The following REV3L variants were observed in gnomAD, a reference collection of about 807,000 sequenced individuals.
REV3L encodes the protein DNA polymerase zeta catalytic subunit.
A neutral mutation model predicts 299.4 loss-of-function variants in REV3L; 69 were observed. The ratio of observed to expected loss-of-function variants is 0.23; its 90% CI spans 0.19 to 0.28. The LOEUF is 0.28. REV3L is among the 10% of genes least tolerant of loss of function. The pLI, the probability that REV3L is intolerant of heterozygous loss-of-function variation, is 1.00. For missense variants in REV3L, 3,128 were observed against 3,693.8 expected (o/e 0.85, Z 3.97); for synonymous variants, 1,238 against 1,271.4 (o/e 0.97, Z 0.56).
rs1229882451 is a variant in REV3L, at chr6:111,322,138, GGGGCCGAGT to G, written c.8351+422_8351+430del. ...TTCTCTTAGAAGGTCAACATATTCTGGGGCCGAGTGGTAAGTTAACCATTCACAGTTCTG... is the reference window on the plus strand; with the variant it reads ...TTCTCTTAGAAGGTCAACATATTCTGGGTAAGTTAACCATTCACAGTTCTG... On this transcript the variant is annotated intron_variant, in intron 26 of 31. Coordinates refer to ENST00000368802, the MANE Select transcript of REV3L (RefSeq NM_001372078.1). Among the ~76,000 whole-genome samples, 8 of 152,256 alleles carry G rather than the reference GGGGCCGAGT, an allele frequency of 5.3e-5. No homozygotes were observed. The East Asian group carries it at 1.4e-3, about 26-fold the overall frequency.
chr6:111,436,690 A>G (rs1295633033), intron 1 of REV3L, among the ~76,000 whole-genome samples: 1 of 152,166 alleles, frequency 6.6e-6, no homozygotes, highest in African/African-American at 2.4e-5. Flanking sequence ...AGTTTGATAG[A>G]AGAAACAAGA....
Position 111,377,809 on chromosome 6 carries a change from C to G in REV3L, c.1489G>C (p.Glu497Gln). 3 of 1,613,180 alleles carry G rather than the reference C, an allele frequency of 1.9e-6. No homozygotes were observed. Among genetic ancestry groups the G allele is most frequent in the Non-Finnish European group, 2.5e-6 (3 of 1,179,676 alleles). The change falls in exon 12 of 32, where the codon GAA (glutamate) becomes CAA (glutamine). Residue 497 changes from glutamate to glutamine, a missense_variant. By Grantham distance (29) the Glu-to-Gln change is conservative. Coordinates refer to ENST00000368802, the MANE Select transcript of REV3L (RefSeq NM_001372078.1). ...LCRNTHRSST[E>Q]DDDSSSGEEM... is the part of the protein sequence containing the mutation. The stretch of plus-strand genomic sequence containing the variant: ...TCTCCTGAAGATGAGTCATCATCTT[C>G]AGTTGAACTTCTGTGGGTATTTCTG...
intron 9 of REV3L, among the ~76,000 whole-genome samples, chr6:111,386,243 A>G (rs963461062): frequency 1.4e-4 from 21 of 152,242 alleles, no homozygotes; most frequent in African/African-American, 5.1e-4. Context: ...TAATACTTGT[A>G]GAGAAATAGC....
chr6:111,396,359 T>C (rs1321239205), intron 4 of REV3L, among the ~76,000 whole-genome samples: 1 of 151,668 alleles, frequency 6.6e-6, no homozygotes, highest in East Asian at 1.9e-4. Flanking sequence ...ATGGTGTATT[T>C]TTTTTTTTTT....
At chr6:111,467,741 A>G (rs1791680440) in intron 1 of REV3L, among the ~76,000 whole-genome samples, 1 of 152,216 alleles carries the variant, frequency 6.6e-6, no homozygotes, top group South Asian at 2.1e-4. Flanking sequence ...TTATGCAAAT[A>G]CTACACCATT....
intron 25 of REV3L, among the ~76,000 whole-genome samples, chr6:111,323,129 T>C (rs240963): frequency 0.83 from 126,377 of 152,048 alleles, 52,587 homozygotes; most frequent in Admixed American, 0.85. Context: ...GCTGGGACTA[T>C]AGGCGCACGC....
chr6:111,303,318 C>T (rs1771824116), intron 31 of REV3L, among the ~76,000 whole-genome samples: 1 of 149,970 alleles, frequency 6.7e-6, no homozygotes, highest in African/African-American at 2.4e-5. Flanking sequence ...ATTGCGGGTG[C>T]CCGCCACCAT....
intron 24 of REV3L, among the ~76,000 whole-genome samples, chr6:111,330,695 T>C (rs746089968): frequency 2.2e-4 from 34 of 152,176 alleles, no homozygotes; most frequent in Non-Finnish European, 2.8e-4. Context: ...GCAGCCATAA[T>C]GTTTTAAGAC....
chr6:111,427,169 A>G (rs1786273907), intron 1 of REV3L, among the ~76,000 whole-genome samples: 1 of 152,224 alleles, frequency 6.6e-6, no homozygotes, highest in South Asian at 2.1e-4. Flanking sequence ...GCTCCTTCAA[A>G]TGCAAATAAA....
At chr6:111,302,033 A>G (rs1453323599) in intron 31 of REV3L, among the ~76,000 whole-genome samples, 2 of 152,212 alleles carry the variant, frequency 1.3e-5, no homozygotes, top group African/African-American at 4.8e-5. Context: ...ATATTTATCA[A>G]AGGGTTTCAG....
Position 111,381,385 on chromosome 6 carries a change from T to A in REV3L, c.1156A>T (p.Met386Leu). Residue 386 changes from methionine to leucine, a missense_variant, in exon 10 of 32, where the codon ATG becomes TTG. This residue lies in a region of REV3L where 2,409 missense variants were observed against 2,611.8 expected (regional missense o/e 0.92). Coordinates refer to ENST00000368802, the MANE Select transcript of REV3L (RefSeq NM_001372078.1). Reference sequence around the variant, plus strand: ...GGCTGAAAAGTCTGACTATTTTCCATAAGGTTCAAAATTGCTTCTTCATTA... The same window carrying A: ...GGCTGAAAAGTCTGACTATTTTCCAAAAGGTTCAAAATTGCTTCTTCATTA... ...LINEEAILNLMENSQTFQPLT... is the reference protein window; with the variant it reads ...LINEEAILNLLENSQTFQPLT... 6.2e-7 allele frequency: 1 copy of A among 1,613,696 alleles called. No homozygotes were observed. Among genetic ancestry groups the A allele is most frequent in the Non-Finnish European group, 8.5e-7 (1 of 1,179,822 alleles).
chr6:111,454,689 G>A (rs1212072573), intron 1 of REV3L, among the ~76,000 whole-genome samples: 1 of 151,908 alleles, frequency 6.6e-6, no homozygotes, highest in Non-Finnish European at 1.5e-5. Context: ...TTTTTGAGAT[G>A]GAGTTTCGCT....
intron 2 of REV3L, among the ~76,000 whole-genome samples, chr6:111,411,806 T>C (rs1784280039): frequency 6.6e-6 from 1 of 152,138 alleles, no homozygotes; most frequent in South Asian, 2.1e-4. Context: ...GAATTAAAAA[T>C]TATCACTCTG....
In REV3L at chr6:111,344,013, C is replaced by T; in HGVS notation, c.7450G>A (p.Val2484Met). 6.2e-7 allele frequency: 1 copy of T among 1,611,158 alleles called. No individual in the cohort carries two copies. The highest frequency in any genetic ancestry group is 8.5e-7 in the Non-Finnish European group (1 of 1,178,650). Residue 2484 changes from valine to methionine, a missense_variant, in exon 21 of 32, where the codon GTG becomes ATG. By Grantham distance (21) the Val-to-Met change is conservative. This residue lies in a region of REV3L where 149 missense variants were observed against 286.4 expected (regional missense o/e 0.52). Coordinates refer to ENST00000368802, the MANE Select transcript of REV3L (RefSeq NM_001372078.1). Reference protein sequence around the residue: ...VALTNYTFENVSFHVLHQRFP... With the variant: ...VALTNYTFENMSFHVLHQRFP... ...CGCTGATGAAGAACATGAAAGCTCA[C>T]ATTTTCAAAGGTGTAGTTAGTTAGA...
At chr6:111,473,456 CCTT>C (rs1792505239) in intron 1 of REV3L, among the ~76,000 whole-genome samples, 1 of 151,966 alleles carries the variant, frequency 6.6e-6, no homozygotes, top group South Asian at 2.1e-4. Flanking sequence ...TTCCCTCCTC[CCTT>C]TTTTGGAAAT....
intron 1 of REV3L, chr6:111,471,964 A>G (rs570635374): frequency 2.9e-6 from 3 of 1,024,590 alleles, no homozygotes; most frequent in South Asian, 3.9e-5. Flanking sequence ...GCCAAGGCTC[A>G]CCCCCACCCC....
rs1465107430 is a variant in REV3L, at chr6:111,381,316, GTTAC to G, written c.1216+5_1216+8del. The G allele has an allele frequency of 6.2e-7, 1 of 1,612,730 alleles. No individual in the cohort carries two copies. Among genetic ancestry groups the G allele is most frequent in the Non-Finnish European group, 8.5e-7 (1 of 1,179,652 alleles). The stretch of plus-strand genomic sequence containing the variant: ...AATACTGAATATTTATGGTAGCACT[GTTAC>G]TTACTGAAAACAGGTGACTCACTCA... On this transcript the variant is annotated splice_donor_5th_base_variant and intron_variant, in intron 10 of 31. Coordinates refer to ENST00000368802, the MANE Select transcript of REV3L (RefSeq NM_001372078.1).
At chr6:111,371,338 T>G (rs1364046342) in intron 13 of REV3L, among the ~76,000 whole-genome samples, 1 of 152,214 alleles carries the variant, frequency 6.6e-6, no homozygotes, top group East Asian at 1.9e-4. Flanking sequence ...TGATTTCTAT[T>G]TTGCTATTTG....
At chr6:111,482,618 G>C (rs1406062368) in intron 1 of REV3L, 132 bp downstream of exon 1, 4 of 402,242 alleles carry the variant, frequency 9.9e-6, no homozygotes. Flanking sequence ...GGAGGGCGGA[G>C]GGGAGGGAAG....
Sources: gnomAD v4.1 joint callset for allele counts (sites outside exome capture counted in the v4.1 genomes callset) on GRCh38, gnomAD v4.1.1 for gene constraint, gnomAD v4.1.1 regional missense constraint, MANE v1.5 for transcripts, NCBI Gene and HGNC (gene_info 2026-07-23, HGNC 2026-07-21) for gene names.